The following SLC13A1 variants were observed in gnomAD, a reference collection of about 807,000 sequenced individuals.
SLC13A1 encodes the protein Na(+)/sulfate cotransporter.
In SLC13A1, 65 loss-of-function variants were observed where a neutral mutation model predicts 70.0. The ratio of observed to expected loss-of-function variants is 0.93; its 90% CI spans 0.76 to 1.14. The LOEUF is 1.14. SLC13A1 is among the 50% of genes most tolerant of loss of function. SLC13A1 has a pLI of 0.00. For missense variants in SLC13A1, 726 were observed against 717.8 expected (o/e 1.01, Z -0.13); for synonymous variants, 275 against 250.5 (o/e 1.10, Z -0.92).
chr7:123,179,254 G>A (rs1795557064), intron 2 of SLC13A1, among the ~76,000 whole-genome samples: 1 of 152,164 alleles, frequency 6.6e-6, no homozygotes, highest in Non-Finnish European at 1.5e-5. Flanking sequence ...AGTTTCAGAT[G>A]TGGGCTTAAT....
At chr7:123,153,430 T>C (rs1794618001) in intron 6 of SLC13A1, among the ~76,000 whole-genome samples, 1 of 152,080 alleles carries the variant, frequency 6.6e-6, no homozygotes, top group Non-Finnish European at 1.5e-5. Flanking sequence ...ATGCACCATT[T>C]TTTTAATCTA....
chr7:123,137,841 G>A (rs960641919), intron 7 of SLC13A1, among the ~76,000 whole-genome samples: 1 of 152,012 alleles, frequency 6.6e-6, no homozygotes, highest in Admixed American at 6.6e-5. Flanking sequence ...TTTGATACAG[G>A]CATTCAATGT....
At chr7:123,176,775 A>T (rs1046327224) in intron 2 of SLC13A1, among the ~76,000 whole-genome samples, 10 of 152,248 alleles carry the variant, frequency 6.6e-5, no homozygotes, top group African/African-American at 2.4e-4. Context: ...CCAAGATCCC[A>T]CACCCTCCTG....
chr7:123,131,989 C>T (rs2116327953), intron 8 of SLC13A1, among the ~76,000 whole-genome samples: 1 of 152,234 alleles, frequency 6.6e-6, no homozygotes, highest in Non-Finnish European at 1.5e-5. Flanking sequence ...AATGAAGAAC[C>T]TGTGACTCTT....
Position 123,151,150 on chromosome 7 carries a change from C to A in SLC13A1, c.661-3840G>T, listed in dbSNP as rs143026955. ...ACCAGCCTGGCCAACATGGTGAAAC[C>A]CTGTCTCTACTAAAAATACAAAAAT... On this transcript the variant is annotated intron_variant, in intron 6 of 14. Transcript: ENST00000194130. 7.1e-4 allele frequency among the ~76,000 whole-genome samples: 108 copies of A among 151,808 alleles called. 1 individual carries two copies. In the East Asian group the frequency reaches 0.018, roughly 25 times the overall value.
At position 123,119,184 on chromosome 7, in the gene SLC13A1, G is replaced by T. The variant is rs748734642; in HGVS notation, c.1409C>A (p.Ala470Glu). ...NKLSPLGSLP[A>E]WLIILISSLM... ...AGAAGATATCAGAATTATTAGCCAT[G>T]CTGGTAATGAACCCAGAGGAGATAA... is the stretch of plus-strand genomic sequence containing the variant. The change falls in exon 13 of 15, where the codon GCA becomes GAA. Residue 470 changes from alanine (A) to glutamate (E), a missense_variant. Coordinates refer to ENST00000194130, the MANE Select transcript of SLC13A1 (RefSeq NM_022444.4). The T allele has an allele frequency of 6.2e-7, 1 of 1,612,674 alleles. No homozygotes were observed.
intron 7 of SLC13A1, among the ~76,000 whole-genome samples, chr7:123,137,069 T>G (rs897666253): frequency 6.6e-6 from 1 of 152,142 alleles, no homozygotes; most frequent in African/African-American, 2.4e-5. Context: ...CGGATTTTAT[T>G]ACAAATGCAA....
chr7:123,156,924 A>G (rs931981499), intron 6 of SLC13A1, among the ~76,000 whole-genome samples: 9 of 151,972 alleles, frequency 5.9e-5, no homozygotes, highest in African/African-American at 2.2e-4. Flanking sequence ...ATCTTTATGG[A>G]CCCTGAACTT....
At chr7:123,123,272 A>T in intron 11 of SLC13A1, 37 bp from the exon 12 acceptor site, 1 of 1,254,826 alleles carries the variant, frequency 8.0e-7, no homozygotes, top group East Asian at 2.3e-5. Context: ...ACATTGCTTA[A>T]AATATTACAA....
chr7:123,194,037 A>G lies in SLC13A1; in HGVS notation c.99+5811T>C, dbSNP rs115482987. Among the ~76,000 whole-genome samples, 291 of 152,248 alleles carry G rather than the reference A, an allele frequency of 1.9e-3. 1 individual carries two copies. The highest frequency in any genetic ancestry group is 6.7e-3 in the African/African-American group (280 of 41,550). Reference sequence around the variant, plus strand: ...CCTTCACTCAACACAGTTATTAACTATCTACTATGTGACAGGCACTGGGTT... The same window carrying G: ...CCTTCACTCAACACAGTTATTAACTGTCTACTATGTGACAGGCACTGGGTT... On this transcript the variant is annotated intron_variant, in intron 1 of 14. Transcript: ENST00000194130.
At chr7:123,174,732 AT>A (rs1420626111) in intron 2 of SLC13A1, among the ~76,000 whole-genome samples, 1 of 152,102 alleles carries the variant, frequency 6.6e-6, no homozygotes, top group Non-Finnish European at 1.5e-5. Flanking sequence ...TATTTTCAAC[AT>A]GTCATAAAAG....
intron 7 of SLC13A1, among the ~76,000 whole-genome samples, chr7:123,142,375 C>A (rs377561321): frequency 1.3e-5 from 2 of 152,164 alleles, no homozygotes; most frequent in East Asian, 3.9e-4. Context: ...TCCATAAATG[C>A]CATCCAAGAG....
rs186035292 is a variant in SLC13A1 at position 123,165,015 on chromosome 7, T to C, written c.660+3359A>G. ...AAGAAAGCATAAGATCAAAAGATTA[T>C]GAATATAAATATTTTATAGCTAGAT... On this transcript the variant is annotated intron_variant, in intron 6 of 14. Transcript: ENST00000194130. 1.1e-4 allele frequency among the ~76,000 whole-genome samples: 17 copies of C among 152,148 alleles called. No individual in the cohort carries two copies. In the East Asian group the frequency reaches 2.7e-3, roughly 24 times the overall value.
chr7:123,159,033 C>T (rs1794801302), intron 6 of SLC13A1, among the ~76,000 whole-genome samples: 1 of 151,760 alleles, frequency 6.6e-6, no homozygotes, highest in Non-Finnish European at 1.5e-5. Flanking sequence ...CTACAGAGCA[C>T]TGATTTTAAA....
chr7:123,197,159 T>G (rs138857225), intron 1 of SLC13A1, among the ~76,000 whole-genome samples: 1 of 152,258 alleles, frequency 6.6e-6, no homozygotes, highest in East Asian at 1.9e-4. Flanking sequence ...TTCATGGCAC[T>G]TTTTTCACTT....
chr7:123,146,394 G>A (rs1053869324), intron 7 of SLC13A1, among the ~76,000 whole-genome samples: 6 of 152,094 alleles, frequency 3.9e-5, no homozygotes, highest in Non-Finnish European at 8.8e-5. Context: ...GTATTACGGT[G>A]CATGCCTGTA....
intron 6 of SLC13A1, among the ~76,000 whole-genome samples, chr7:123,166,483 T>G (rs1248295046): frequency 6.6e-6 from 1 of 152,134 alleles, no homozygotes; most frequent in Non-Finnish European, 1.5e-5. Flanking sequence ...CATGTTGGTG[T>G]GCTGAACCCA....
chr7:123,140,803 G>C (rs1468247626), intron 7 of SLC13A1, among the ~76,000 whole-genome samples: 1 of 151,754 alleles, frequency 6.6e-6, no homozygotes, highest in Non-Finnish European at 1.5e-5. Flanking sequence ...TAAATATTTG[G>C]ATCTTTTCTC....
At chr7:123,148,816 A>C (rs1794454335) in intron 6 of SLC13A1, among the ~76,000 whole-genome samples, 1 of 152,112 alleles carries the variant, frequency 6.6e-6, no homozygotes, top group African/African-American at 2.4e-5. Context: ...TCCTAGTTCC[A>C]ATTCTTCTCA....
Sources: gnomAD v4.1 joint callset for allele counts (sites outside exome capture counted in the v4.1 genomes callset) on GRCh38, gnomAD v4.1.1 for gene constraint, MANE v1.5 for transcripts, NCBI Gene and HGNC (gene_info 2026-07-23, HGNC 2026-07-21) for gene names.